The following R3HCC1L variants were observed in gnomAD, a reference collection of about 807,000 sequenced individuals.
R3HCC1L encodes the protein R3H domain and coiled-coil containing 1 like, also known as coiled-coil domain-containing protein R3HCC1L.
A neutral mutation model predicts 59.9 loss-of-function variants in R3HCC1L; 51 were observed. The observed-to-expected ratio is 0.85, with a 90% CI of 0.68 to 1.07. The LOEUF is 1.07. Ranked by LOEUF, R3HCC1L falls within the 50% of genes least tolerant of loss-of-function variation. The probability of loss-of-function intolerance (pLI) is 0.00; values close to 1 mark genes in which losing one functional copy is unlikely to be tolerated. For synonymous variants in R3HCC1L, 322 were observed against 315.2 expected (o/e 1.02, Z -0.23); for missense variants, 965 against 933.0 (o/e 1.03, Z -0.45).
At chr10:98,188,667 A>T (rs527546301) in intron 4 of R3HCC1L, among the ~76,000 whole-genome samples, 1 of 152,232 alleles carries the variant, frequency 6.6e-6, no homozygotes, top group Non-Finnish European at 1.5e-5. Flanking sequence ...TCATCTCCTA[A>T]CATTAAGTAA....
In R3HCC1L at chr10:98,244,477, A is replaced by G. The variant is rs1466096599; in HGVS notation, c.*319A>G. ...GTGGGTCACACTTCCAAGATATTTA[A>G]AGCAAATACAAAACAGAACAGAGGA... On this transcript the variant is annotated 3_prime_UTR_variant, in exon 10 of 10. Transcript: ENST00000298999. 1 of 247,998 alleles carries G rather than the reference A, an allele frequency of 4.0e-6. No homozygotes were observed. Among genetic ancestry groups the G allele is most frequent in the Non-Finnish European group, 8.0e-6 (1 of 124,744 alleles). The allele number at this position is 247,998 out of a possible 1,614,324, so 15.4% of individuals were successfully genotyped here. A position where few individuals can be genotyped will look rare whatever the true frequency, so the allele number is the denominator to read the frequency against.
chr10:98,230,281 G>T (rs371711743), intron 5 of R3HCC1L, among the ~76,000 whole-genome samples: 4 of 152,144 alleles, frequency 2.6e-5, no homozygotes, highest in African/African-American at 9.7e-5. Context: ...TCTATTCAGA[G>T]ATTCAACTTC....
chr10:98,234,144 G>A (rs1268694156), intron 6 of R3HCC1L, among the ~76,000 whole-genome samples: 3 of 152,088 alleles, frequency 2.0e-5, no homozygotes, highest in East Asian at 3.9e-4. Context: ...AACATCTCTT[G>A]TAAATAGTGC....
At chr10:98,238,808 T>C (rs953223972) in intron 9 of R3HCC1L, among the ~76,000 whole-genome samples, 3 of 152,360 alleles carry the variant, frequency 2.0e-5, no homozygotes, top group African/African-American at 4.8e-5. Flanking sequence ...AGCTTCTTTG[T>C]TATCTGTACC....
chr10:98,235,812 A>T (rs1856874224), intron 8 of R3HCC1L, among the ~76,000 whole-genome samples: 1 of 152,188 alleles, frequency 6.6e-6, no homozygotes, highest in African/African-American at 2.4e-5. Context: ...AGTCACTGTA[A>T]GATACTTTGT....
At chr10:98,137,670 A>G (rs1236098810) in intron 1 of R3HCC1L, among the ~76,000 whole-genome samples, 5 of 152,024 alleles carry the variant, frequency 3.3e-5, no homozygotes, top group Non-Finnish European at 7.4e-5. Context: ...CTGTTGTGCA[A>G]GGTTATTGGG....
chr10:98,186,239 G>C (rs767414579), intron 4 of R3HCC1L, among the ~76,000 whole-genome samples: 1 of 152,280 alleles, frequency 6.6e-6, no homozygotes, highest in East Asian at 1.9e-4. Context: ...TAATATGTAA[G>C]TCATGGTAAA....
intron 4 of R3HCC1L, among the ~76,000 whole-genome samples, chr10:98,193,553 A>G (rs980084064): frequency 6.6e-5 from 10 of 152,124 alleles, no homozygotes; most frequent in African/African-American, 2.4e-4. Flanking sequence ...AACTTAATCG[A>G]GGGGAGAAGG....
rs1191545619 is a variant in R3HCC1L, at chr10:98,138,388, T to A, written c.-268+3682T>A. 2.6e-5 allele frequency among the ~76,000 whole-genome samples: 4 copies of A among 152,228 alleles called. No individual in the cohort carries two copies. The South Asian group carries it at 8.3e-4, about 32-fold the overall frequency. The stretch of plus-strand genomic sequence containing the variant: ...CTATAATGTGTTAATTTTTCCTTTA[T>A]GTTTTAATCTTAAACACTTTTGGCT... On this transcript the variant is annotated intron_variant, in intron 1 of 9. Transcript: ENST00000298999.
At chr10:98,189,074 T>C (rs1850548955) in intron 4 of R3HCC1L, among the ~76,000 whole-genome samples, 1 of 152,206 alleles carries the variant, frequency 6.6e-6, no homozygotes, top group African/African-American at 2.4e-5. Flanking sequence ...TTTTGCTCAA[T>C]TAGGAAGCAC....
chr10:98,231,426 G>T, intron 5 of R3HCC1L, 86 bp from the exon 6 acceptor site: 1 of 1,238,642 alleles, frequency 8.1e-7, no homozygotes, highest in Non-Finnish European at 1.1e-6. Flanking sequence ...GTAGAGAAAG[G>T]GAGGAGGATT....
chr10:98,174,180 CTG>C (rs1181646136), intron 4 of R3HCC1L, among the ~76,000 whole-genome samples: 2 of 152,142 alleles, frequency 1.3e-5, no homozygotes, highest in African/African-American at 4.8e-5. Context: ...ATTTCTTACT[CTG>C]TGGCCTTAGA....
intron 4 of R3HCC1L, among the ~76,000 whole-genome samples, chr10:98,164,377 T>TC (rs1847736410): frequency 6.6e-6 from 1 of 152,184 alleles, no homozygotes; most frequent in African/African-American, 2.4e-5. Context: ...ATTTGTTTTT[T>TC]CTTAGTCTTC....
intron 4 of R3HCC1L, among the ~76,000 whole-genome samples, chr10:98,188,715 GTTAAAGATAT>G (rs1447538025): frequency 6.6e-6 from 1 of 152,106 alleles, no homozygotes; most frequent in Non-Finnish European, 1.5e-5. Context: ...CTATAAGATT[GTTAAAGATAT>G]TTAAGTGGGG....
chr10:98,237,560 A>G (rs2135719988), intron 9 of R3HCC1L, among the ~76,000 whole-genome samples: 1 of 152,310 alleles, frequency 6.6e-6, no homozygotes, highest in East Asian at 1.9e-4. Context: ...ATGTCTGGCT[A>G]TGCAAAGGAC....
chr10:98,151,282 C>T (rs1223321050), intron 1 of R3HCC1L, among the ~76,000 whole-genome samples: 1 of 152,140 alleles, frequency 6.6e-6, no homozygotes, highest in South Asian at 2.1e-4. Context: ...AGGCTGGGTT[C>T]TGGAGACCTA....
Position 98,236,109 on chromosome 10 carries a change from T to TAAGCAGAGCAAAACCGAACGAG in R3HCC1L, c.2224_2245dup (p.Leu749GlnfsTer43). The stretch of plus-strand genomic sequence containing the variant: ...TCATCAGTGCCCTTGGGGTTCGAAG[T>TAAGCAGAGCAAAACCGAACGAG]AAGCAGAGCAAAACCGAACGAGAAG... On this transcript the variant is annotated frameshift_variant, in exon 9 of 10. Transcript: ENST00000298999. LOFTEE classifies it high-confidence loss of function. 1 of 1,613,874 alleles carries TAAGCAGAGCAAAACCGAACGAG rather than the reference T, an allele frequency of 6.2e-7. No homozygotes were observed. Among genetic ancestry groups the TAAGCAGAGCAAAACCGAACGAG allele is most frequent in the Non-Finnish European group, 8.5e-7 (1 of 1,179,910 alleles).
intron 4 of R3HCC1L, among the ~76,000 whole-genome samples, chr10:98,200,261 A>C (rs1564682624): frequency 6.6e-6 from 1 of 152,026 alleles, no homozygotes; most frequent in Non-Finnish European, 1.5e-5. Flanking sequence ...GTGATTGAGT[A>C]TTTACAGCAA....
At chr10:98,172,414 T>G (rs1848604130) in intron 4 of R3HCC1L, among the ~76,000 whole-genome samples, 2 of 152,096 alleles carry the variant, frequency 1.3e-5, no homozygotes, top group Non-Finnish European at 2.9e-5. Flanking sequence ...AAAGCTGAGG[T>G]GTTAGGATTT....
Sources: gnomAD v4.1 joint callset for allele counts (sites outside exome capture counted in the v4.1 genomes callset) on GRCh38, gnomAD v4.1.1 for gene constraint, MANE v1.5 for transcripts, NCBI Gene and HGNC (gene_info 2026-07-23, HGNC 2026-07-21) for gene names.